POT1: variants seen among roughly 807,000 people sequenced by gnomAD.
The protein encoded by POT1 is protection of telomeres 1.
In POT1, 47 loss-of-function variants were observed where a neutral mutation model predicts 78.5. That is an observed-to-expected ratio of 0.60 (90% CI 0.47 to 0.76). POT1 has a LOEUF of 0.76. Among genes scored for constraint, POT1 ranks in the 30% least tolerant of loss-of-function variants. The pLI is 0.00. For synonymous variants in POT1, 259 were observed against 260.7 expected (o/e 0.99, Z 0.06); for missense variants, 646 against 749.9 (o/e 0.86, Z 1.62).
At chr7:124,906,639 TAAA>T (rs1211542832) in intron 3 of POT1, among the ~76,000 whole-genome samples, 5 of 151,850 alleles carry the variant, frequency 3.3e-5, no homozygotes, top group African/African-American at 1.2e-4. Flanking sequence ...AAAAGTATAA[TAAA>T]AAATAAAAAA....
intron 15 of POT1, among the ~76,000 whole-genome samples, chr7:124,832,086 G>A (rs941027410): frequency 1.4e-4 from 21 of 150,232 alleles, no homozygotes; most frequent in African/African-American, 4.6e-4. Context: ...TGGGCAACAT[G>A]GCAAAACCCC....
intron 8 of POT1, among the ~76,000 whole-genome samples, chr7:124,861,495 T>C (rs1795596354): frequency 6.6e-6 from 1 of 152,062 alleles, no homozygotes; most frequent in African/African-American, 2.4e-5. Flanking sequence ...AGATTCTGGA[T>C]ATTAGCCCTT....
chr7:124,922,922 A>G (rs1184121325), intron 2 of POT1, among the ~76,000 whole-genome samples: 1 of 151,956 alleles, frequency 6.6e-6, no homozygotes, highest in Non-Finnish European at 1.5e-5. Context: ...GGAAATGTTC[A>G]TACACTCAAT....
chr7:124,910,154 G>A (rs992655276), intron 3 of POT1, among the ~76,000 whole-genome samples: 2 of 151,850 alleles, frequency 1.3e-5, no homozygotes, highest in Admixed American at 6.6e-5. Flanking sequence ...TGAAGAATGG[G>A]ACTAGGAAAT....
In POT1 at chr7:124,863,601, A is replaced by G; in HGVS notation, c.295T>C (p.Ser99Pro). 2 of 1,613,794 alleles carry G rather than the reference A, an allele frequency of 1.2e-6. No individual in the cohort carries two copies. Among genetic ancestry groups the G allele is most frequent in the Non-Finnish European group, 1.7e-6 (2 of 1,179,764 alleles). ...TCAAACGTCAAAGATGCAAAGCCAG[A>G]GCTGGTGATACCCTGAGTCTCCTTT... is the stretch of plus-strand genomic sequence containing the variant. ...YKKETQGITS[S>P]GFASLTFEGT... The change falls in exon 8 of 19, where the codon TCT (serine) becomes CCT (proline). Residue 99 changes from serine to proline, a missense_variant. Physicochemically the swap from Ser to Pro is moderately conservative, Grantham distance 74. Coordinates refer to ENST00000357628, the MANE Select transcript of POT1 (RefSeq NM_015450.3).
At chr7:124,825,706 T>C (rs908620296) in intron 17 of POT1, among the ~76,000 whole-genome samples, 2 of 152,212 alleles carry the variant, frequency 1.3e-5, no homozygotes, top group African/African-American at 4.8e-5. Context: ...ATATGTATTA[T>C]ATAGTTATTT....
intron 13 of POT1, among the ~76,000 whole-genome samples, chr7:124,842,395 G>A (rs1426274222): frequency 6.6e-6 from 1 of 151,832 alleles, no homozygotes; most frequent in Non-Finnish European, 1.5e-5. Flanking sequence ...TTATATTCTA[G>A]TTATTAAGCA....
At chr7:124,921,127 T>G (rs2116711690) in intron 2 of POT1, among the ~76,000 whole-genome samples, 1 of 151,954 alleles carries the variant, frequency 6.6e-6, no homozygotes, top group South Asian at 2.1e-4. Flanking sequence ...TGTTGAAACT[T>G]AAAAAAATAT....
intron 11 of POT1, chr7:124,848,526 G>A (rs779979725): frequency 4.3e-4 from 68 of 159,992 alleles, no homozygotes; most frequent in Non-Finnish European, 4.5e-4. Flanking sequence ...TTAGCTGGGC[G>A]TGGTGGTGGG....
At chr7:124,849,112 G>A (rs949637886) in intron 11 of POT1, among the ~76,000 whole-genome samples, 14 of 151,970 alleles carry the variant, frequency 9.2e-5, no homozygotes, top group Admixed American at 7.9e-4. Flanking sequence ...CCTCAATATT[G>A]CTAATAAGTG....
chr7:124,922,090 G>C (rs138712319), intron 2 of POT1, among the ~76,000 whole-genome samples: 13 of 151,966 alleles, frequency 8.6e-5, no homozygotes, highest in African/African-American at 2.9e-4. Flanking sequence ...GAAAGCAGTG[G>C]ACCGGCATCT....
intron 6 of POT1, among the ~76,000 whole-genome samples, chr7:124,888,815 C>T (rs1330201747): frequency 6.6e-6 from 1 of 151,890 alleles, no homozygotes; most frequent in Non-Finnish European, 1.5e-5. Flanking sequence ...TTTGGGGTAG[C>T]ACAAATCACA....
intron 2 of POT1, among the ~76,000 whole-genome samples, chr7:124,923,031 C>T (rs1681117312): frequency 1.3e-5 from 2 of 149,322 alleles, no homozygotes; most frequent in African/African-American, 4.9e-5. Context: ...GCTACAAATG[C>T]AATTTCAAAA....
At chr7:124,895,338 T>C (rs1178752363) in intron 5 of POT1, among the ~76,000 whole-genome samples, 2 of 151,568 alleles carry the variant, frequency 1.3e-5, no homozygotes, top group African/African-American at 2.4e-5. Flanking sequence ...CACACAGACA[T>C]GAACAATTTT....
chr7:124,910,694 A>C (rs528162132), intron 3 of POT1, among the ~76,000 whole-genome samples: 1 of 152,112 alleles, frequency 6.6e-6, no homozygotes, highest in African/African-American at 2.4e-5. Flanking sequence ...AAAATAAGTT[A>C]TTTAATCTCC....
intron 15 of POT1, among the ~76,000 whole-genome samples, chr7:124,834,799 G>A (rs964313286): frequency 6.6e-6 from 1 of 152,158 alleles, no homozygotes; most frequent in Non-Finnish European, 1.5e-5. Context: ...GCACATGTAC[G>A]TTTATTGCAG....
intron 2 of POT1, among the ~76,000 whole-genome samples, chr7:124,927,267 C>T (rs1406433599): frequency 6.6e-6 from 1 of 152,106 alleles, no homozygotes; most frequent in Non-Finnish European, 1.5e-5. Context: ...TTAGAATGAA[C>T]AGATACTTTT....
chr7:124,924,513 C>T (rs765417602), intron 2 of POT1, among the ~76,000 whole-genome samples: 7 of 87,912 alleles, frequency 8.0e-5, no homozygotes, highest in Non-Finnish European at 1.5e-4. Flanking sequence ...AAGTCCAGGA[C>T]CAGATGGATT....
At chr7:124,898,560 A>C (rs1563011871) in intron 3 of POT1, among the ~76,000 whole-genome samples, 186 bp from the exon 4 acceptor site, 1 of 151,964 alleles carries the variant, frequency 6.6e-6, no homozygotes, top group Non-Finnish European at 1.5e-5. Flanking sequence ...TTCCTCTAAA[A>C]CATCTTCAAC....
Sources: allele counts gnomAD v4.1 joint callset (sites outside exome capture counted in the v4.1 genomes callset), GRCh38; gene constraint gnomAD v4.1.1; transcripts MANE v1.5; gene names NCBI Gene and HGNC (gene_info 2026-07-23, HGNC 2026-07-21).